PTPN2: variants seen among roughly 807,000 people sequenced by gnomAD.
The protein encoded by PTPN2 is tyrosine-protein phosphatase non-receptor type 2.
A neutral mutation model predicts 57.3 loss-of-function variants in PTPN2; 19 were observed. The observed-to-expected ratio is 0.33, with a 90% CI of 0.23 to 0.49. The LOEUF (loss-of-function observed/expected upper bound fraction) is 0.49, where lower values mean the gene tolerates loss of function less well. PTPN2 is among the 20% of genes least tolerant of loss of function. PTPN2 has a pLI of 0.99. For missense variants in PTPN2, 358 were observed against 501.1 expected, an observed-to-expected ratio of 0.71 and a Z score of 2.73; for synonymous variants, 153 against 164.9, an observed-to-expected ratio of 0.93 and a Z score of 0.55.
At chr18:12,819,138 T>A in intron 5 of PTPN2, 5 of 572,648 alleles carry the variant, frequency 8.7e-6, no homozygotes, top group Non-Finnish European at 1.4e-5. Flanking sequence ...AATTAAGACT[T>A]CTATGTCCCA....
At chr18:12,873,618 G>A (rs1408217004) in intron 1 of PTPN2, among the ~76,000 whole-genome samples, 2 of 152,214 alleles carry the variant, frequency 1.3e-5, no homozygotes, top group Non-Finnish European at 2.9e-5. Flanking sequence ...GGAGTGCAGT[G>A]GCGTGATCTC....
intron 1 of PTPN2, among the ~76,000 whole-genome samples, chr18:12,866,947 G>C (rs1212744486): frequency 6.6e-6 from 1 of 151,888 alleles, no homozygotes; most frequent in Non-Finnish European, 1.5e-5. Context: ...GGTGGTTGCA[G>C]TGAGCCGAGA....
intron 8 of PTPN2, among the ~76,000 whole-genome samples, chr18:12,800,276 A>G (rs981475696): frequency 3.9e-5 from 6 of 152,168 alleles, no homozygotes; most frequent in African/African-American, 1.4e-4. Context: ...TGTAGATTAA[A>G]ACTCAACACT....
At chr18:12,828,101 A>G (rs2042542277) in intron 4 of PTPN2, among the ~76,000 whole-genome samples, 1 of 152,202 alleles carries the variant, frequency 6.6e-6, no homozygotes, top group African/African-American at 2.4e-5. Context: ...TTGGTGGAAT[A>G]CCAGAAGGAA....
intron 1 of PTPN2, among the ~76,000 whole-genome samples, chr18:12,866,848 A>T (rs999084714): frequency 6.6e-6 from 1 of 152,046 alleles, no homozygotes; most frequent in Non-Finnish European, 1.5e-5. Context: ...ACTAAAAAAT[A>T]CAAAAAATTA....
At chr18:12,845,985 TTC>T (rs1192293582) in intron 2 of PTPN2, among the ~76,000 whole-genome samples, 2 of 152,236 alleles carry the variant, frequency 1.3e-5, no homozygotes, top group African/African-American at 4.8e-5. Context: ...ATACAATCTG[TTC>T]TTTCACGGTA....
chr18:12,819,652 A>T (rs1359852614), intron 5 of PTPN2, among the ~76,000 whole-genome samples: 2 of 140,522 alleles, frequency 1.4e-5, no homozygotes, highest in African/African-American at 5.2e-5. Flanking sequence ...ATTGTAGGTT[A>T]AAAAAAAAAG....
intron 6 of PTPN2, among the ~76,000 whole-genome samples, 193 bp from the exon 7 acceptor site, chr18:12,814,548 C>A (rs1358510758): frequency 6.6e-6 from 1 of 152,206 alleles, no homozygotes; most frequent in Non-Finnish European, 1.5e-5. Flanking sequence ...ACATCTCAAC[C>A]CCTCAAGTAG....
intron 7 of PTPN2, among the ~76,000 whole-genome samples, chr18:12,804,215 C>T (rs1455332393): frequency 6.9e-6 from 1 of 145,094 alleles, no homozygotes; most frequent in African/African-American, 2.6e-5. Context: ...TCACTTGAAC[C>T]CGGGAGGCGG....
chr18:12,871,381 G>T (rs936619456), intron 1 of PTPN2, among the ~76,000 whole-genome samples: 1 of 151,642 alleles, frequency 6.6e-6, no homozygotes, highest in African/African-American at 2.4e-5. Flanking sequence ...GTGAAAAATG[G>T]TATTATTATA....
chr18:12,882,346 T>A (rs2145554394), intron 1 of PTPN2, among the ~76,000 whole-genome samples: 1 of 152,346 alleles, frequency 6.6e-6, no homozygotes, highest in East Asian at 1.9e-4. Context: ...GATTTCCTTA[T>A]CTTTTTGAAA....
In PTPN2 at chr18:12,802,048, T is replaced by G. The variant is rs2041450517; in HGVS notation, c.962A>C (p.Glu321Ala). The change falls in exon 8 of 9, where the codon GAA becomes GCA. Residue 321 changes from glutamate to alanine, a missense_variant. Physicochemically the swap from Glu to Ala is moderately radical, Grantham distance 107. Coordinates refer to ENST00000309660, the MANE Select transcript of PTPN2 (RefSeq NM_002828.4). ...EKYNGNRIGL[E>A]EEKLTGDRCT... is the part of the protein sequence containing the mutation. ...TCGGTCACCTGTCAGTTTTTCTTCT[T>G]CTAGACCTATTCTGTTCCCATTGTA... 6.2e-7 allele frequency: 1 copy of G among 1,612,848 alleles called. No individual in the cohort carries two copies. Among genetic ancestry groups the G allele is most frequent in the African/African-American group, 1.3e-5 (1 of 74,902 alleles).
intron 7 of PTPN2, among the ~76,000 whole-genome samples, chr18:12,804,226 A>C (rs2041537169): frequency 1.5e-5 from 2 of 130,814 alleles, no homozygotes; most frequent in Non-Finnish European, 3.1e-5. Flanking sequence ...CGGGAGGCGG[A>C]GGTTGCACTG....
chr18:12,822,508 A>T (rs1487185112), intron 5 of PTPN2, among the ~76,000 whole-genome samples: 2 of 152,208 alleles, frequency 1.3e-5, no homozygotes, highest in Non-Finnish European at 2.9e-5. Flanking sequence ...CAAGAGTTCA[A>T]ACTTTTAGCT....
intron 9 of PTPN2, chr18:12,786,009 T>C (rs1423410263): frequency 3.3e-6 from 2 of 610,586 alleles, no homozygotes; most frequent in Non-Finnish European, 5.7e-6. Flanking sequence ...ACTGTTATCT[T>C]AGGGTAAAAC....
intron 1 of PTPN2, among the ~76,000 whole-genome samples, chr18:12,866,774 C>T (rs1013086693): frequency 3.3e-5 from 5 of 151,756 alleles, no homozygotes; most frequent in East Asian, 3.9e-4. Context: ...TTTGGGAGGC[C>T]GAGGCAAATC....
At chr18:12,810,794 T>C (rs1425935446) in intron 7 of PTPN2, among the ~76,000 whole-genome samples, 1 of 152,168 alleles carries the variant, frequency 6.6e-6, no homozygotes. Flanking sequence ...AAGAGGTCTC[T>C]GGACTTCATG....
intron 1 of PTPN2, among the ~76,000 whole-genome samples, chr18:12,870,891 CA>C (rs1274818886): frequency 6.6e-6 from 1 of 151,944 alleles, no homozygotes; most frequent in Non-Finnish European, 1.5e-5. Context: ...ATGGACTTGG[CA>C]AAAATTAAAC....
chr18:12,878,563 G>A (rs1392004050), intron 1 of PTPN2, among the ~76,000 whole-genome samples: 1 of 151,944 alleles, frequency 6.6e-6, no homozygotes, highest in Non-Finnish European at 1.5e-5. Flanking sequence ...CCAGCTACTC[G>A]GGAGGCTGAG....
Sources: gnomAD v4.1 joint callset for allele counts (sites outside exome capture counted in the v4.1 genomes callset) on GRCh38, gnomAD v4.1.1 for gene constraint, MANE v1.5 for transcripts, NCBI Gene and HGNC (gene_info 2026-07-23, HGNC 2026-07-21) for gene names.